The following GNG4 variants were observed in gnomAD, a reference collection of about 807,000 sequenced individuals.
GNG4 encodes the protein G protein subunit gamma 4, also known as guanine nucleotide-binding protein G(I)/G(S)/G(O) subunit gamma-4.
GNG4 carries 4 observed loss-of-function variants against 5.8 expected under a neutral mutation model. That is an observed-to-expected ratio of 0.69 (90% CI 0.34 to 1.57). The LOEUF (loss-of-function observed/expected upper bound fraction) is 1.57, where lower values mean the gene tolerates loss of function less well. GNG4 is among the 40% of genes most tolerant of loss of function. The pLI, the probability that GNG4 is intolerant of heterozygous loss-of-function variation, is 0.06. For missense variants in GNG4, 96 were observed against 95.1 expected (o/e 1.01, Z -0.04); for synonymous variants, 29 against 32.9 (o/e 0.88, Z 0.41).
At chr1:235,607,008 A>G (rs1252895972) in intron 1 of GNG4, among the ~76,000 whole-genome samples, 1 of 138,182 alleles carries the variant, frequency 7.2e-6, no homozygotes, top group Non-Finnish European at 1.5e-5. Context: ...GTGTGATCTC[A>G]GCTCACTGCA....
intron 1 of GNG4, among the ~76,000 whole-genome samples, chr1:235,600,159 G>T (rs1034725874): frequency 7.6e-6 from 1 of 131,050 alleles, no homozygotes; most frequent in Non-Finnish European, 1.5e-5. Flanking sequence ...CTGTCGCCCA[G>T]GCTGGAGTAC....
At chr1:235,612,818 C>T (rs35632899) in intron 1 of GNG4, among the ~76,000 whole-genome samples, 21,167 of 152,122 alleles carry the variant, frequency 0.14, 1,537 homozygotes, top group Middle Eastern at 0.22. Flanking sequence ...CCATCATGCC[C>T]GTCCTGGGTA....
At position 235,644,589 on chromosome 1, in the gene GNG4, G is replaced by T. The variant is rs1041711887; in HGVS notation, c.-123+5073C>A. Among the ~76,000 whole-genome samples, 7 of 152,222 alleles carry T rather than the reference G, an allele frequency of 4.6e-5. No individual in the cohort carries two copies. The highest frequency in any genetic ancestry group is 4.6e-4 in the Admixed American group (7 of 15,278). The stretch of plus-strand genomic sequence containing the variant: ...CATGCAGCCCCACAGCTGCCGGGGG[G>T]ATAAACAAGCACCTTCAGACTAGAG... On this transcript the variant is annotated intron_variant, in intron 1 of 3. Transcript: ENST00000391854. This position sits in a 1 kb window ranked among gnomAD's most constrained non-coding sequence, Gnocchi z 5.9.
intron 1 of GNG4, among the ~76,000 whole-genome samples, chr1:235,608,987 C>G (rs1424635110): frequency 1.3e-5 from 2 of 151,888 alleles, no homozygotes; most frequent in Non-Finnish European, 2.9e-5. Context: ...TCTGGCTCCT[C>G]AATTTTTTTT....
At chr1:235,608,872 C>T (rs1002560989) in intron 1 of GNG4, among the ~76,000 whole-genome samples, 12 of 151,944 alleles carry the variant, frequency 7.9e-5, no homozygotes, top group East Asian at 5.8e-4. Context: ...TTAGTAGAGA[C>T]GGGGTTTTGC....
intron 1 of GNG4, among the ~76,000 whole-genome samples, chr1:235,640,526 A>G (rs1324332796): frequency 6.6e-6 from 1 of 152,206 alleles, no homozygotes; most frequent in African/African-American, 2.4e-5. Flanking sequence ...GGTTCTCAAA[A>G]CAGGTGTGTA....
chr1:235,599,316 G>GT lies in GNG4; in HGVS notation c.-122-3806dup, dbSNP rs1406220539. 1.2e-4 allele frequency among the ~76,000 whole-genome samples: 14 copies of GT among 117,552 alleles called. No homozygotes were observed. The East Asian group carries it at 2.9e-3, about 25-fold the overall frequency. 77.1% of individuals were successfully genotyped at this position (117,552 alleles called of 152,430 possible). ...TTTTGTTGTCGTTGTTTGTTTTTTGGTTTGTTTTTTTTTTTTTTGAGACAG... is the reference window on the plus strand; with the variant it reads ...TTTTGTTGTCGTTGTTTGTTTTTTGGTTTTGTTTTTTTTTTTTTTGAGACAG... On this transcript the variant is annotated intron_variant, in intron 1 of 3. Transcript: ENST00000391854.
intron 3 of GNG4, 63 bp from the exon 4 acceptor site, chr1:235,552,300 G>A: frequency 9.1e-6 from 14 of 1,530,912 alleles, no homozygotes; most frequent in Non-Finnish European, 1.3e-5. Flanking sequence ...GTCCAGGGAA[G>A]AGGTGTCCAC....
At chr1:235,629,617 G>A (rs1475209028) in intron 1 of GNG4, among the ~76,000 whole-genome samples, 1 of 144,658 alleles carries the variant, frequency 6.9e-6, no homozygotes, top group Non-Finnish European at 1.5e-5. Context: ...TTTTTTTTAA[G>A]ATTGAGTCTT....
chr1:235,564,169 G>C (rs1278835540), intron 3 of GNG4, among the ~76,000 whole-genome samples: 5 of 152,140 alleles, frequency 3.3e-5, no homozygotes, highest in African/African-American at 1.2e-4. Context: ...TGCAGGAACA[G>C]AAAACCAAAT....
chr1:235,649,305 G>T lies in GNG4; in HGVS notation c.-123+357C>A, dbSNP rs984239010. Among the ~76,000 whole-genome samples, 5 of 152,222 alleles carry T rather than the reference G, an allele frequency of 3.3e-5. No individual in the cohort carries two copies. The highest frequency in any genetic ancestry group is 7.3e-5 in the Non-Finnish European group (5 of 68,034). On this transcript the variant is annotated intron_variant, in intron 1 of 3. Coordinates refer to ENST00000391854, the MANE Select transcript of GNG4 (RefSeq NM_001098722.2). This position sits in a 1 kb window ranked among gnomAD's most constrained non-coding sequence, Gnocchi z 5.7. ...GGGGGACGTCCCCGCTGGGAAAACA[G>T]CAAACGCTCTGTGACCTACAAATGG...
At chr1:235,614,898 G>C (rs1395602281) in intron 1 of GNG4, 2 of 152,282 alleles carry the variant, frequency 1.3e-5, no homozygotes, top group Non-Finnish European at 2.9e-5. Flanking sequence ...AGTGAGGTGG[G>C]ATAAGGTCAC....
Position 235,572,295 on chromosome 1 carries a change from G to A in GNG4, c.99+11445C>T, listed in dbSNP as rs10926074. Reference sequence around the variant, plus strand: ...GCTCACTGTAACCTCTGCCTCCCGGGTTCAAGCGATTCTCTTGCCTCAGCC... The same window carrying A: ...GCTCACTGTAACCTCTGCCTCCCGGATTCAAGCGATTCTCTTGCCTCAGCC... On this transcript the variant is annotated intron_variant, in intron 3 of 3. Coordinates refer to ENST00000391854, the MANE Select transcript of GNG4 (RefSeq NM_001098722.2). Among the ~76,000 whole-genome samples, 624 of 152,162 alleles carry A rather than the reference G, an allele frequency of 4.1e-3. 7 individuals carry two copies. Among genetic ancestry groups the A allele is most frequent in the African/African-American group, 0.013 (542 of 41,496 alleles).
At chr1:235,621,276 TTTTTCTTTTTC>T (rs1461164461) in intron 1 of GNG4, among the ~76,000 whole-genome samples, 4 of 142,164 alleles carry the variant, frequency 2.8e-5, no homozygotes, top group African/African-American at 1.2e-4. Context: ...CCTTTTTTTC[TTTTTCTTTTTC>T]TTTTCTTTTC....
chr1:235,614,144 G>A (rs10926253), intron 1 of GNG4, among the ~76,000 whole-genome samples: 11 of 152,226 alleles, frequency 7.2e-5, no homozygotes, highest in Admixed American at 6.5e-4. Context: ...GTGATCTTTG[G>A]TTGTTTGTGT....
intron 1 of GNG4, among the ~76,000 whole-genome samples, chr1:235,626,503 A>C (rs73122506): frequency 0.05 from 7,653 of 152,190 alleles, 625 homozygotes; most frequent in African/African-American, 0.17. Context: ...AAGTGCGATG[A>C]GACACGGCCG....
intron 3 of GNG4, among the ~76,000 whole-genome samples, chr1:235,576,882 C>G (rs1558481468): frequency 6.6e-6 from 1 of 152,132 alleles, no homozygotes; most frequent in Non-Finnish European, 1.5e-5. Flanking sequence ...TGCACTTGTG[C>G]TTTTGTGCAA....
At chr1:235,563,055 G>A (rs1030735558) in intron 3 of GNG4, among the ~76,000 whole-genome samples, 5 of 151,984 alleles carry the variant, frequency 3.3e-5, no homozygotes, top group Non-Finnish European at 7.4e-5. Flanking sequence ...GTCTTATTTT[G>A]TCTTTTGAAA....
chr1:235,638,084 G>T (rs1657182524), intron 1 of GNG4, among the ~76,000 whole-genome samples: 1 of 152,210 alleles, frequency 6.6e-6, no homozygotes. Flanking sequence ...TCTCCGATAA[G>T]CCCCAGCTGC....
Sources: gnomAD v4.1 joint callset for allele counts (sites outside exome capture counted in the v4.1 genomes callset) on GRCh38, gnomAD v4.1.1 for gene constraint, Gnocchi (gnomAD v3.1) non-coding constraint, MANE v1.5 for transcripts, NCBI Gene and HGNC (gene_info 2026-07-23, HGNC 2026-07-21) for gene names.